The following WASL variants were observed in gnomAD, a reference collection of about 807,000 sequenced individuals.
WASL encodes the protein actin nucleation-promoting factor WASL.
In WASL, 20 loss-of-function variants were observed where a neutral mutation model predicts 55.5. The observed-to-expected ratio is 0.36, with a 90% CI of 0.25 to 0.52. WASL has a LOEUF of 0.52. Among genes scored for constraint, WASL ranks in the 20% least tolerant of loss-of-function variants. The probability of loss-of-function intolerance (pLI) is 0.92; values close to 1 mark genes in which losing one functional copy is unlikely to be tolerated. For missense variants in WASL, 504 were observed against 622.5 expected (o/e 0.81, Z 2.03); for synonymous variants, 249 against 217.6 (o/e 1.14, Z -1.27).
intron 1 of WASL, among the ~76,000 whole-genome samples, chr7:123,712,453 A>G (rs994789165): frequency 6.6e-6 from 1 of 152,158 alleles, no homozygotes; most frequent in Non-Finnish European, 1.5e-5. Context: ...AAATATTATA[A>G]AGAGGCATTA....
chr7:123,713,093 C>G (rs888932043), intron 1 of WASL, among the ~76,000 whole-genome samples: 2 of 152,032 alleles, frequency 1.3e-5, no homozygotes, highest in African/African-American at 4.8e-5. Context: ...TTAATAATAA[C>G]TAAAATTATT....
intron 8 of WASL, among the ~76,000 whole-genome samples, chr7:123,693,492 C>A (rs886884082): frequency 6.6e-6 from 1 of 152,188 alleles, no homozygotes; most frequent in African/African-American, 2.4e-5. Flanking sequence ...TTATAGGAGG[C>A]TGGTTGCTTT....
intron 1 of WASL, among the ~76,000 whole-genome samples, chr7:123,747,042 TTTA>T (rs1319036012): frequency 6.6e-6 from 1 of 152,214 alleles, no homozygotes; most frequent in Non-Finnish European, 1.5e-5. Flanking sequence ...AATCTTGTAT[TTTA>T]ATTAGTTTTT....
chr7:123,748,020 C>T (rs1049279607), intron 1 of WASL, among the ~76,000 whole-genome samples: 2 of 152,062 alleles, frequency 1.3e-5, no homozygotes, highest in Admixed American at 1.3e-4. Context: ...AGAAACCAGG[C>T]CTAGGCAAGG....
At chr7:123,737,294 T>C (rs751138095) in intron 1 of WASL, among the ~76,000 whole-genome samples, 24 of 152,120 alleles carry the variant, frequency 1.6e-4, no homozygotes, top group Non-Finnish European at 2.4e-4. Flanking sequence ...TGTAATTTAG[T>C]AAATTATAAA....
intron 1 of WASL, among the ~76,000 whole-genome samples, chr7:123,735,085 CAA>C (rs577973040): frequency 2.1e-4 from 28 of 130,236 alleles, no homozygotes; most frequent in Non-Finnish European, 3.8e-4. Context: ...AAACCAGCAG[CAA>C]AGAGTAGAGT....
intron 1 of WASL, among the ~76,000 whole-genome samples, chr7:123,741,210 A>G (rs1253150258): frequency 5.3e-5 from 8 of 152,150 alleles, no homozygotes; most frequent in African/African-American, 1.9e-4. Flanking sequence ...GTAAATAATT[A>G]TCTTGTTTTT....
At chr7:123,710,515 T>C (rs190810210) in intron 1 of WASL, among the ~76,000 whole-genome samples, 1 of 152,238 alleles carries the variant, frequency 6.6e-6, no homozygotes, top group East Asian at 1.9e-4. Context: ...AACAATTATA[T>C]GCACAAATCT....
rs140019971 is a variant in WASL at position 123,695,832 on chromosome 7, T to A, written c.663A>T (p.Thr221=). 82 of 1,612,606 alleles carry A rather than the reference T, an allele frequency of 5.1e-5. No individual in the cohort carries two copies. Among genetic ancestry groups the A allele is most frequent in the Non-Finnish European group, 6.8e-5 (80 of 1,179,104 alleles). ...HIGHVGWDPN[T]GFDLNNLDPE... ...TTGAAAACATACTTACATCAAAGCC[T>A]GTATTTGGATCCCAACCAACATGTC... Residue 221 remains threonine, a synonymous_variant, in exon 7 of 11, where the codon ACA becomes ACT. Coordinates refer to ENST00000223023, the MANE Select transcript of WASL (RefSeq NM_003941.4).
intron 1 of WASL, 83 bp from the exon 2 acceptor site, chr7:123,709,306 C>T: frequency 1.6e-6 from 2 of 1,218,336 alleles, no homozygotes; most frequent in Non-Finnish European, 2.2e-6. Context: ...TGACCGCAAC[C>T]ACCCAGCTAA....
chr7:123,725,070 A>G (rs1272268575), intron 1 of WASL, among the ~76,000 whole-genome samples: 1 of 152,218 alleles, frequency 6.6e-6, no homozygotes, highest in East Asian at 1.9e-4. Context: ...AAGTCAACGT[A>G]CATTTTTAAA....
At chr7:123,705,167 G>C (rs1486878300) in intron 4 of WASL, among the ~76,000 whole-genome samples, 1 of 152,186 alleles carries the variant, frequency 6.6e-6, no homozygotes, top group Non-Finnish European at 1.5e-5. Flanking sequence ...GATCATGGTG[G>C]CCTGGATTAG....
intron 1 of WASL, among the ~76,000 whole-genome samples, chr7:123,726,559 C>CA (rs943198057): frequency 9.9e-5 from 15 of 151,950 alleles, no homozygotes; most frequent in African/African-American, 3.6e-4. Flanking sequence ...TCCTGCCCAT[C>CA]AAAAAACATC....
intron 1 of WASL, among the ~76,000 whole-genome samples, chr7:123,748,019 G>C (rs1457294312): frequency 6.6e-6 from 1 of 151,976 alleles, no homozygotes; most frequent in Non-Finnish European, 1.5e-5. Context: ...TAGAAACCAG[G>C]CCTAGGCAAG....
chr7:123,691,967 G>A (rs1221199199), intron 9 of WASL, among the ~76,000 whole-genome samples: 1 of 152,100 alleles, frequency 6.6e-6, no homozygotes, highest in East Asian at 1.9e-4. Flanking sequence ...GTAAAGTCTA[G>A]AACAATGAAT....
chr7:123,737,163 C>CA (rs201141349), intron 1 of WASL, among the ~76,000 whole-genome samples: 65 of 149,990 alleles, frequency 4.3e-4, no homozygotes, highest in African/African-American at 1.0e-3. Flanking sequence ...TAAAAAATTG[C>CA]AAAAAAAAAT....
intron 1 of WASL, among the ~76,000 whole-genome samples, chr7:123,733,622 C>T (rs553484942): frequency 3.3e-5 from 5 of 151,944 alleles, no homozygotes; most frequent in South Asian, 4.2e-4. Flanking sequence ...TATCAAAAAA[C>T]GGAAAGATAT....
intron 9 of WASL, among the ~76,000 whole-genome samples, chr7:123,690,147 G>A (rs1302748605): frequency 6.6e-6 from 1 of 152,118 alleles, no homozygotes; most frequent in African/African-American, 2.4e-5. Flanking sequence ...TCTCAAGGAG[G>A]TACAACAGCG....
At chr7:123,743,118 C>T (rs917417971) in intron 1 of WASL, among the ~76,000 whole-genome samples, 5 of 152,092 alleles carry the variant, frequency 3.3e-5, no homozygotes, top group Non-Finnish European at 7.4e-5. Context: ...GGACAGATCA[C>T]CTGAGGTCAG....
Sources: allele counts gnomAD v4.1 joint callset (sites outside exome capture counted in the v4.1 genomes callset), GRCh38; gene constraint gnomAD v4.1.1; transcripts MANE v1.5; gene names NCBI Gene and HGNC (gene_info 2026-07-23, HGNC 2026-07-21).